Variants in HECW1 observed in about 807,000 individuals in gnomAD.
HECW1 encodes the protein HECT, C2 and WW domain containing E3 ubiquitin protein ligase 1, also known as E3 ubiquitin-protein ligase HECW1.
Under a neutral mutation model 182.3 loss-of-function variants are expected in HECW1, and 61 were observed. The ratio of observed to expected loss-of-function variants is 0.33; its 90% confidence interval spans 0.27 to 0.41. The LOEUF is 0.41. HECW1 is among the 10% of genes least tolerant of loss of function. The pLI is 1.00. For missense variants in HECW1, 1,739 were observed against 2,108.9 expected (o/e 0.82, Z 3.44); for synonymous variants, 859 against 832.6 (o/e 1.03, Z -0.55).
chr7:43,354,649 A>G (rs780958311), intron 5 of HECW1, among the ~76,000 whole-genome samples: 75 of 152,178 alleles, frequency 4.9e-4, no homozygotes, highest in Non-Finnish European at 9.6e-4. Flanking sequence ...AACAAAGATC[A>G]CCTACAAGAC....
intron 2 of HECW1, among the ~76,000 whole-genome samples, chr7:43,205,491 A>C (rs1284685920): frequency 6.6e-6 from 1 of 152,154 alleles, no homozygotes. Context: ...GGGGTGGATG[A>C]AATCACTTGT....
intron 8 of HECW1, among the ~76,000 whole-genome samples, chr7:43,428,048 G>A (rs1252785772): frequency 6.6e-6 from 1 of 152,168 alleles, no homozygotes; most frequent in African/African-American, 2.4e-5. Flanking sequence ...TGCACCTAGT[G>A]GAAGGGGATT....
Position 43,444,875 on chromosome 7 carries a change from A to C in HECW1, c.1703A>C (p.His568Pro). ...THYIRIHTLL[H>P]SMPSAQGGSA... ...TACATCCGCATCCACACCCTGCTGC[A>C]CAGCATGCCCTCCGCCCAGGGCGGC... Residue 568 changes from histidine to proline, a missense_variant, in exon 11 of 30, where the codon CAC (histidine) becomes CCC (proline). His to Pro is a moderately conservative substitution (Grantham distance 77). Coordinates refer to ENST00000395891, the MANE Select transcript of HECW1 (RefSeq NM_015052.5). This position sits in a 1 kb window ranked among gnomAD's most constrained non-coding sequence, Gnocchi z 4.3. The C allele has an allele frequency of 6.2e-7, 1 of 1,609,778 alleles. No homozygotes were observed. The highest frequency in any genetic ancestry group is 8.5e-7 in the Non-Finnish European group (1 of 1,177,394).
At chr7:43,325,951 T>C (rs180946329) in intron 5 of HECW1, among the ~76,000 whole-genome samples, 2 of 152,316 alleles carry the variant, frequency 1.3e-5, no homozygotes, top group East Asian at 3.9e-4. Context: ...TCTGTCTCAG[T>C]CCGTTGAGGC....
chr7:43,405,934 G>A (rs544933004), intron 7 of HECW1, among the ~76,000 whole-genome samples: 5 of 152,252 alleles, frequency 3.3e-5, no homozygotes, highest in Admixed American at 3.3e-4. Context: ...CAATTGTGGG[G>A]GCAAAAGTGA....
intron 6 of HECW1, among the ~76,000 whole-genome samples, chr7:43,370,143 T>G (rs1817150472): frequency 6.6e-6 from 1 of 152,104 alleles, no homozygotes; most frequent in South Asian, 2.1e-4. Context: ...TACCAAGAAC[T>G]CACGAAAGTC....
At chr7:43,126,935 C>T (rs1430540776) in intron 2 of HECW1, among the ~76,000 whole-genome samples, 1 of 152,170 alleles carries the variant, frequency 6.6e-6, no homozygotes, top group African/African-American at 2.4e-5. Context: ...ATGCCCTCAT[C>T]CTTCTTCCTT....
At chr7:43,537,001 T>C (rs1402623264) in intron 24 of HECW1, among the ~76,000 whole-genome samples, 1 of 152,116 alleles carries the variant, frequency 6.6e-6, no homozygotes, top group African/African-American at 2.4e-5. Context: ...ATGTGCTGAG[T>C]TGCAGAGGCT....
At chr7:43,356,818 T>A (rs959684628) in intron 5 of HECW1, among the ~76,000 whole-genome samples, 1 of 149,234 alleles carries the variant, frequency 6.7e-6, no homozygotes, top group Admixed American at 6.6e-5. Context: ...AAAAAAGTTT[T>A]AAAATTTTTT....
At chr7:43,328,734 C>T (rs1054202193) in intron 5 of HECW1, among the ~76,000 whole-genome samples, 10 of 152,196 alleles carry the variant, frequency 6.6e-5, no homozygotes, top group Non-Finnish European at 1.3e-4. Flanking sequence ...ACATTCCATT[C>T]AGATTCGCAG....
intron 2 of HECW1, among the ~76,000 whole-genome samples, chr7:43,227,638 T>A (rs1262257323): frequency 6.6e-6 from 1 of 152,226 alleles, no homozygotes; most frequent in Non-Finnish European, 1.5e-5. Flanking sequence ...TATTTTTCTG[T>A]TAATTGACAT....
intron 6 of HECW1, among the ~76,000 whole-genome samples, chr7:43,386,330 A>G (rs2074795759): frequency 6.6e-6 from 1 of 152,238 alleles, no homozygotes; most frequent in Non-Finnish European, 1.5e-5. Context: ...GGCCCATCTT[A>G]GAATTCTGCC....
chr7:43,309,348 C>T (rs145456651), intron 3 of HECW1, among the ~76,000 whole-genome samples: 25 of 152,224 alleles, frequency 1.6e-4, no homozygotes, highest in African/African-American at 5.3e-4. Flanking sequence ...CTGCTTACCC[C>T]GGACAAATGT....
At chr7:43,270,680 G>GA (rs201853678) in intron 3 of HECW1, among the ~76,000 whole-genome samples, 1 of 152,042 alleles carries the variant, frequency 6.6e-6, no homozygotes, top group African/African-American at 2.4e-5. Context: ...CAAGGTATTA[G>GA]AAAAAATCAA....
chr7:43,205,196 G>A (rs985506922), intron 2 of HECW1, among the ~76,000 whole-genome samples: 1 of 151,710 alleles, frequency 6.6e-6, no homozygotes, highest in Non-Finnish European at 1.5e-5. Flanking sequence ...AGATTCTCTT[G>A]CCTCAGCCTC....
At chr7:43,198,531 C>G (rs572921120) in intron 2 of HECW1, among the ~76,000 whole-genome samples, 1 of 150,730 alleles carries the variant, frequency 6.6e-6, no homozygotes, top group Non-Finnish European at 1.5e-5. Flanking sequence ...AGACACCACA[C>G]TCACACTCCA....
intron 11 of HECW1, 58 bp from the exon 12 acceptor site, chr7:43,450,770 T>C (rs2077207730): frequency 9.2e-7 from 1 of 1,084,382 alleles, no homozygotes; most frequent in Non-Finnish European, 1.4e-6. Flanking sequence ...TCATGCTTTT[T>C]TGATGATGTT....
intron 6 of HECW1, among the ~76,000 whole-genome samples, chr7:43,382,031 G>A (rs913868490): frequency 2.0e-5 from 3 of 152,004 alleles, no homozygotes; most frequent in African/African-American, 4.8e-5. Context: ...CACGCCTGTA[G>A]TCCCAGCACT....
At chr7:43,246,990 C>T (rs11978634) in intron 3 of HECW1, among the ~76,000 whole-genome samples, 17,559 of 152,118 alleles carry the variant, frequency 0.12, 1,704 homozygotes, top group African/African-American at 0.26. Context: ...CCCCTCCATA[C>T]ATAGGTGGAG....
Sources: gnomAD v4.1 joint callset for allele counts (sites outside exome capture counted in the v4.1 genomes callset) on GRCh38, gnomAD v4.1.1 for gene constraint, Gnocchi (gnomAD v3.1) non-coding constraint, MANE v1.5 for transcripts, NCBI Gene and HGNC (gene_info 2026-07-23, HGNC 2026-07-21) for gene names.